The following RBBP6 variants were observed in gnomAD, a reference collection of about 807,000 sequenced individuals.
RBBP6 encodes the protein RB binding protein 6, ubiquitin ligase.
Under a neutral mutation model 167.7 loss-of-function variants are expected in RBBP6, and 25 were observed. The observed-to-expected ratio is 0.15, with a 90% confidence interval of 0.11 to 0.21. The LOEUF (loss-of-function observed/expected upper bound fraction) is 0.21. Among genes scored for constraint, RBBP6 ranks in the 10% least tolerant of loss-of-function variants. The pLI, the probability that RBBP6 is intolerant of heterozygous loss-of-function variation, is 1.00. For synonymous variants in RBBP6, 789 were observed against 735.8 expected (o/e 1.07, Z -1.17); for missense variants, 1,868 against 2,134.2 (o/e 0.88, Z 2.46).
At chr16:24,563,324 A>AT (rs139004713) in intron 11 of RBBP6, 29 bp downstream of exon 11, 28 of 1,554,094 alleles carry the variant, frequency 1.8e-5, no homozygotes, top group East Asian at 4.6e-5. Context: ...TTAATTTGGG[A>AT]TTTTTTTTAC....
intron 2 of RBBP6, among the ~76,000 whole-genome samples, chr16:24,547,220 G>C (rs1898679905): frequency 6.6e-6 from 1 of 152,098 alleles, no homozygotes; most frequent in African/African-American, 2.4e-5. Flanking sequence ...TCATTTCTTG[G>C]AGCTTTACCT....
intron 17 of RBBP6, 83 bp from the exon 18 acceptor site, chr16:24,570,787 TGTTTAA>T: frequency 9.1e-7 from 1 of 1,093,668 alleles, no homozygotes; most frequent in Non-Finnish European, 1.2e-6. Context: ...AGGACATTTG[TGTTTAA>T]GTTAGCATTT....
intron 3 of RBBP6, among the ~76,000 whole-genome samples, chr16:24,551,172 A>G (rs1297258947): frequency 6.6e-6 from 1 of 151,884 alleles, no homozygotes; most frequent in Non-Finnish European, 1.5e-5. Context: ...AAAAGCTAAT[A>G]TAATTGGCAT....
Position 24,571,855 on chromosome 16 carries a change from C to T in RBBP6, c.4789C>T (p.Gln1597Ter). Residue 1597 changes from glutamine to a stop codon, truncating the protein, a stop_gained, in exon 18 of 18, where the codon CAG becomes TAG. Coordinates refer to ENST00000319715, the MANE Select transcript of RBBP6 (RefSeq NM_006910.5). LOFTEE classifies it high-confidence loss of function. Reference sequence around the variant, plus strand: ...TTATATACTTAACCCACCAGAGACACAGGTTGAAAAAGAGCAAATTACTGG... The same window carrying T: ...TTATATACTTAACCCACCAGAGACATAGGTTGAAAAAGAGCAAATTACTGG... ...LLYILNPPET[Q>*]VEKEQITGQI... The T allele has an allele frequency of 6.2e-7, 1 of 1,614,148 alleles. No homozygotes were observed. Among genetic ancestry groups the T allele is most frequent in the Non-Finnish European group, 8.5e-7 (1 of 1,180,028 alleles).
chr16:24,551,682 T>G (rs1898799816), intron 3 of RBBP6, among the ~76,000 whole-genome samples: 1 of 151,766 alleles, frequency 6.6e-6, no homozygotes, highest in African/African-American at 2.4e-5. Flanking sequence ...GGAAGATTTT[T>G]TTTTTATTCT....
chr16:24,570,323 C>T lies in RBBP6; in HGVS notation c.3633C>T (p.Leu1211=). Residue 1211 remains leucine, a synonymous_variant, in exon 17 of 18, where the codon CTC becomes CTT. Transcript: ENST00000319715. ...GTGCGCCAGCCAAAAAAATCAAACT[C>T]AACAGAGAAACTGGGAAGAAAATTG... ...SLSAPAKKIK[L]NRETGKKIGS... 3 of 1,611,694 alleles carry T rather than the reference C, an allele frequency of 1.9e-6. No individual in the cohort carries two copies. The highest frequency in any genetic ancestry group is 2.5e-6 in the Non-Finnish European group (3 of 1,179,580).
intron 1 of RBBP6, among the ~76,000 whole-genome samples, chr16:24,543,445 G>C (rs968809099): frequency 6.6e-6 from 1 of 151,864 alleles, no homozygotes; most frequent in South Asian, 2.1e-4. Flanking sequence ...ACCATGCCTG[G>C]CTAATTTATT....
At chr16:24,547,065 G>C (rs1455716620) in intron 2 of RBBP6, among the ~76,000 whole-genome samples, 1 of 152,148 alleles carries the variant, frequency 6.6e-6, no homozygotes, top group East Asian at 1.9e-4. Flanking sequence ...CAGCAACATA[G>C]GTTATTTAAA....
chr16:24,556,117 G>A (rs1898906863), intron 6 of RBBP6, among the ~76,000 whole-genome samples, 191 bp from the exon 7 acceptor site: 1 of 152,088 alleles, frequency 6.6e-6, no homozygotes. Context: ...ATCTCTATAA[G>A]CCTGTTTTTT....
chr16:24,553,687 T>C, intron 4 of RBBP6, 130 bp downstream of exon 4: 2 of 545,616 alleles, frequency 3.7e-6, no homozygotes, highest in African/African-American at 1.9e-5. Flanking sequence ...ATTATTACTA[T>C]CCTGTAAAGA....
rs1296162549 is a variant in RBBP6 at position 24,559,411 on chromosome 16, T to C, written c.675-94T>C. 2.9e-6 allele frequency: 3 copies of C among 1,046,202 alleles called. No homozygotes were observed. The South Asian group carries it at 5.2e-5, about 18-fold the overall frequency. 64.8% of individuals were successfully genotyped at this position (1,046,202 alleles called of 1,614,324 possible). On this transcript the variant is annotated intron_variant, in intron 7 of 17. Transcript: ENST00000319715. ...TGTCTAAACTAATTTGGCATTGCGC[T>C]GAATTATGTGTTCCCATTATGTTAT...
Position 24,572,503 on chromosome 16 carries a change from T to C in RBBP6, c.*58T>C, listed in dbSNP as rs1020705579. The C allele has an allele frequency of 3.8e-5, 56 of 1,469,016 alleles. No individual in the cohort carries two copies. Among genetic ancestry groups the C allele is most frequent in the South Asian group, 1.0e-4 (7 of 68,666 alleles). 91.0% of individuals were successfully genotyped at this position (1,469,016 alleles called of 1,614,324 possible). ...AAGTCATCTGTATTAAATTTTGTTA[T>C]AATGTAAAGAGATTCAAGCCTTGTA... On this transcript the variant is annotated 3_prime_UTR_variant, in exon 18 of 18. Transcript: ENST00000319715.
chr16:24,551,688 A>G (rs925942327), intron 3 of RBBP6, among the ~76,000 whole-genome samples: 38 of 151,592 alleles, frequency 2.5e-4, no homozygotes, highest in African/African-American at 9.2e-4. Flanking sequence ...TTTTTTTTTT[A>G]TTCTTAAGTT....
chr16:24,572,108 C>T lies in RBBP6; in HGVS notation c.5042C>T (p.Ala1681Val). The T allele has an allele frequency of 6.2e-7, 1 of 1,614,092 alleles. No homozygotes were observed. Among genetic ancestry groups the T allele is most frequent in the Non-Finnish European group, 8.5e-7 (1 of 1,180,004 alleles). ...EKAKESLDTA[A>V]VVQVGISRNQ... is the part of the protein sequence containing the mutation. ...GCAAAAGAGAGCCTGGACACAGCAG[C>T]AGTTGTCCAGGTGGGCATAAGCAGG... is the stretch of plus-strand genomic sequence containing the variant. Residue 1681 changes from alanine (A) to valine (V), a missense_variant, in exon 18 of 18, where the codon GCA becomes GTA. By Grantham distance (64) the Ala-to-Val change is moderately conservative. Around this residue, in one of 7 missense-constraint regions of RBBP6, gnomAD observed 591 missense variants for 540.5 expected, o/e 1.09. Coordinates refer to ENST00000319715, the MANE Select transcript of RBBP6 (RefSeq NM_006910.5).
Position 24,542,102 on chromosome 16 carries a change from AAC to A in RBBP6, c.166+1312_166+1313del, listed in dbSNP as rs202207996. 2.6e-5 allele frequency among the ~76,000 whole-genome samples: 4 copies of A among 152,342 alleles called. No individual in the cohort carries two copies. In the East Asian group the frequency reaches 7.7e-4, roughly 29 times the overall value. On this transcript the variant is annotated intron_variant, in intron 1 of 17. Coordinates refer to ENST00000319715, the MANE Select transcript of RBBP6 (RefSeq NM_006910.5). The stretch of plus-strand genomic sequence containing the variant: ...ACTGTCTGCTTCCCCACCTTTTAAA[AAC>A]AAGTGTCATACCCTTTGATAATTGG...
At chr16:24,553,244 C>T (rs925122748) in intron 3 of RBBP6, 18 of 349,238 alleles carry the variant, frequency 5.2e-5, no homozygotes, top group African/African-American at 1.8e-4. Flanking sequence ...AGTATTCAGT[C>T]GACACTCTGA....
At chr16:24,541,541 G>GA (rs1451605318) in intron 1 of RBBP6, among the ~76,000 whole-genome samples, 1 of 152,136 alleles carries the variant, frequency 6.6e-6, no homozygotes, top group Non-Finnish European at 1.5e-5. Flanking sequence ...GTAGTTGCTA[G>GA]ATTTTACGTG....
chr16:24,547,564 T>G (rs1898689566), intron 2 of RBBP6, among the ~76,000 whole-genome samples: 1 of 152,300 alleles, frequency 6.6e-6, no homozygotes, highest in African/African-American at 2.4e-5. Flanking sequence ...CAAGCGATTC[T>G]CCTGCCTCAG....
intron 8 of RBBP6, 25 bp from the exon 9 acceptor site, chr16:24,561,587 T>A (rs751717717): frequency 1.3e-6 from 2 of 1,572,678 alleles, no homozygotes; most frequent in Admixed American, 1.7e-5. Context: ...TATGCTTTTA[T>A]TAATATTTGA....
Sources: gnomAD v4.1 joint callset for allele counts (sites outside exome capture counted in the v4.1 genomes callset) on GRCh38, gnomAD v4.1.1 for gene constraint, gnomAD v4.1.1 regional missense constraint, MANE v1.5 for transcripts, NCBI Gene and HGNC (gene_info 2026-07-23, HGNC 2026-07-21) for gene names.